The following SAMD5 variants were observed in gnomAD, a reference collection of about 807,000 sequenced individuals.
SAMD5 encodes sterile alpha motif domain containing 5.
SAMD5 carries 13 observed loss-of-function variants against 11.3 expected under a neutral mutation model. That is an observed-to-expected ratio of 1.15 (90% CI 0.75 to 1.83). The LOEUF (loss-of-function observed/expected upper bound fraction) is 1.83. SAMD5 is among the 40% of genes most tolerant of loss of function. The probability of loss-of-function intolerance (pLI) is 0.00; values close to 1 mark genes in which losing one functional copy is unlikely to be tolerated. For missense variants in SAMD5, 255 were observed against 239.1 expected, an observed-to-expected ratio of 1.07 and a Z score of -0.44; for synonymous variants, 129 against 111.3, an observed-to-expected ratio of 1.16 and a Z score of -1.00.
intron 1 of SAMD5, among the ~76,000 whole-genome samples, chr6:147,627,205 T>C (rs1034588988): frequency 6.6e-6 from 1 of 152,180 alleles, no homozygotes; most frequent in African/African-American, 2.4e-5. Flanking sequence ...CACTTTTTTT[T>C]CTCTTTCCGT....
intron 1 of SAMD5, among the ~76,000 whole-genome samples, chr6:147,549,675 C>G (rs1788738161): frequency 6.6e-6 from 1 of 152,066 alleles, no homozygotes; most frequent in South Asian, 2.1e-4. Context: ...CCCAAATAAA[C>G]TATCTACATA....
chr6:147,757,748 G>A, the SAMD5 span, among the ~76,000 whole-genome samples: 1 of 152,036 alleles, frequency 6.6e-6, no homozygotes, highest in Non-Finnish European at 1.5e-5. Context: ...AATTTTAAGG[G>A]TTTTTATTTT....
chr6:147,691,573 G>A (rs1235075377), intron 1 of SAMD5, among the ~76,000 whole-genome samples: 1 of 152,084 alleles, frequency 6.6e-6, no homozygotes. Flanking sequence ...AGCAGCTTGG[G>A]AAGCTACATA....
At chr6:147,667,517 C>T (rs1240875513) in intron 1 of SAMD5, among the ~76,000 whole-genome samples, 1 of 152,134 alleles carries the variant, frequency 6.6e-6, no homozygotes, top group Non-Finnish European at 1.5e-5. Flanking sequence ...AACAGATTCT[C>T]CTTGTCCTGT....
intron 1 of SAMD5, among the ~76,000 whole-genome samples, chr6:147,622,862 T>C (rs56255575): frequency 0.31 from 46,638 of 151,808 alleles, 8,741 homozygotes; most frequent in South Asian, 0.41. Context: ...TGGCGGAAGG[T>C]GAAAGGCACA....
the SAMD5 span, among the ~76,000 whole-genome samples, chr6:147,838,111 A>G: frequency 1.9e-4 from 29 of 152,320 alleles, no homozygotes; most frequent in South Asian, 6.0e-3. Flanking sequence ...AGAGACTAAG[A>G]AAGAATTTAA....
chr6:147,577,235 G>C (rs924995086), intron 1 of SAMD5, among the ~76,000 whole-genome samples: 3 of 152,148 alleles, frequency 2.0e-5, no homozygotes, highest in Admixed American at 2.0e-4. Context: ...CTTGCTGAAT[G>C]CATAACTTCT....
chr6:147,853,440 C>T, the SAMD5 span, among the ~76,000 whole-genome samples: 1 of 151,820 alleles, frequency 6.6e-6, no homozygotes, highest in Non-Finnish European at 1.5e-5. Flanking sequence ...GGTTAATTCT[C>T]CACCACCACC....
the SAMD5 span, among the ~76,000 whole-genome samples, chr6:147,751,011 T>C: frequency 1.1e-3 from 175 of 152,256 alleles, 1 homozygote; most frequent in South Asian, 6.0e-3. Context: ...AGAAGTTGCA[T>C]TGCTGACAGA....
At chr6:147,625,684 A>T (rs185012622) in intron 1 of SAMD5, among the ~76,000 whole-genome samples, 1 of 152,320 alleles carries the variant, frequency 6.6e-6, no homozygotes, top group East Asian at 1.9e-4. Context: ...CTCACAAACT[A>T]AGCCCTTTTA....
At chr6:147,776,157 T>C in the SAMD5 span, among the ~76,000 whole-genome samples, 1 of 152,208 alleles carries the variant, frequency 6.6e-6, no homozygotes, top group African/African-American at 2.4e-5. Context: ...AGCTTTAACA[T>C]GCTCTGAATC....
intron 1 of SAMD5, among the ~76,000 whole-genome samples, chr6:147,604,209 C>CT (rs5880717): frequency 0.7 from 103,462 of 148,400 alleles, 36,161 homozygotes; most frequent in African/African-American, 0.79. Flanking sequence ...AATGTACTAA[C>CT]TTTTTTTTTT....
At chr6:147,580,232 A>G (rs1562325781) in intron 1 of SAMD5, among the ~76,000 whole-genome samples, 1 of 152,210 alleles carries the variant, frequency 6.6e-6, no homozygotes, top group Non-Finnish European at 1.5e-5. Flanking sequence ...GTGTAACCTG[A>G]GAAAGAACCA....
intron 1 of SAMD5, among the ~76,000 whole-genome samples, chr6:147,529,778 T>A (rs998546494): frequency 3.3e-5 from 5 of 152,226 alleles, no homozygotes; most frequent in African/African-American, 7.2e-5. Context: ...AGAACATTTT[T>A]AAATATCCAA....
chr6:147,718,910 C>T (rs576459784), intron 1 of SAMD5, among the ~76,000 whole-genome samples: 2 of 152,268 alleles, frequency 1.3e-5, no homozygotes, highest in South Asian at 4.1e-4. Context: ...AGGCTGGTCT[C>T]GAACTCCTGA....
At chr6:147,580,759 A>C (rs980134731) in intron 1 of SAMD5, among the ~76,000 whole-genome samples, 5 of 152,208 alleles carry the variant, frequency 3.3e-5, no homozygotes, top group African/African-American at 9.6e-5. Flanking sequence ...GTGAATTCTT[A>C]CATTCAGTTT....
intron 1 of SAMD5, among the ~76,000 whole-genome samples, chr6:147,619,454 C>T (rs185664697): frequency 2.0e-5 from 3 of 150,298 alleles, no homozygotes; most frequent in South Asian, 2.1e-4. Flanking sequence ...GAGGCAGATA[C>T]GCAGATACTC....
intron 1 of SAMD5, among the ~76,000 whole-genome samples, chr6:147,719,650 A>T (rs924186383): frequency 6.6e-6 from 1 of 152,148 alleles, no homozygotes; most frequent in African/African-American, 2.4e-5. Flanking sequence ...TACAATATCC[A>T]CTATGGTACG....
At chr6:147,938,473 G>T in the SAMD5 span, among the ~76,000 whole-genome samples, 4 of 152,222 alleles carry the variant, frequency 2.6e-5, no homozygotes, top group African/African-American at 9.6e-5. Flanking sequence ...TAGTAGGAGA[G>T]ATGGACCAAT....
Sources: gnomAD v4.1 joint callset for allele counts (sites outside exome capture counted in the v4.1 genomes callset) on GRCh38, gnomAD v4.1.1 for gene constraint, MANE v1.5 for transcripts, NCBI Gene and HGNC (gene_info 2026-07-23, HGNC 2026-07-21) for gene names.